ESPL1: variants seen among roughly 807,000 people sequenced by gnomAD.
ESPL1 encodes separin.
In ESPL1, 50 loss-of-function variants were observed where a neutral mutation model predicts 217.2. The ratio of observed to expected loss-of-function variants is 0.23; its 90% CI spans 0.18 to 0.29. ESPL1 has a LOEUF of 0.29. Among genes scored for constraint, ESPL1 ranks in the 10% least tolerant of loss-of-function variants. The probability of loss-of-function intolerance (pLI) is 1.00; values close to 1 mark genes in which losing one functional copy is unlikely to be tolerated. For missense variants in ESPL1, 1,834 were observed against 2,603.0 expected (o/e 0.70, Z 6.43); for synonymous variants, 994 against 1,081.3 (o/e 0.92, Z 1.58).
chr12:53,283,278 A>C (rs1383816339), intron 15 of ESPL1, 21 bp downstream of exon 15: 3 of 1,614,014 alleles, frequency 1.9e-6, no homozygotes, highest in Non-Finnish European at 2.5e-6. Context: ...GGAGGACAGC[A>C]GGGCCCTCTT....
intron 5 of ESPL1, among the ~76,000 whole-genome samples, chr12:53,272,183 C>T (rs1455992172): frequency 6.6e-6 from 1 of 152,158 alleles, no homozygotes; most frequent in Non-Finnish European, 1.5e-5. Flanking sequence ...GTTTCCTTCC[C>T]TCATGGAGCC....
In ESPL1 at chr12:53,289,165, G is replaced by C; in HGVS notation, c.4784G>C (p.Gly1595Ala). 1 of 1,614,142 alleles carries C rather than the reference G, an allele frequency of 6.2e-7. No homozygotes were observed. The highest frequency in any genetic ancestry group is 8.5e-7 in the Non-Finnish European group (1 of 1,180,014). ...FRGISHCPPSGLYAHLCRFLA... is the reference protein window; with the variant it reads ...FRGISHCPPSALYAHLCRFLA... ...GGCATTAGTCACTGTCCTCCTAGTG[G>C]GCTCTATGCCCACCTCTGCCGCTTC... is the stretch of plus-strand genomic sequence containing the variant. Residue 1595 changes from glycine to alanine, a missense_variant, in exon 21 of 31, where the codon GGG (glycine) becomes GCG (alanine). Physicochemically the swap from Gly to Ala is moderately conservative, Grantham distance 60 (BLOSUM62 0). Coordinates refer to ENST00000257934, the MANE Select transcript of ESPL1 (RefSeq NM_012291.5).
rs770312157 is a variant in ESPL1, at chr12:53,292,102, C to T, written c.5796+14C>T. The T allele has an allele frequency of 3.8e-5, 61 of 1,598,892 alleles. No homozygotes were observed. The highest frequency in any genetic ancestry group is 5.0e-5 in the Admixed American group (3 of 59,944). ...ATCATCAAAGAGGTGGGGTTCAGGG[C>T]GTAGTGTCTGGGGATGACTGGCGAC... On this transcript the variant is annotated intron_variant, in intron 27 of 30. Transcript: ENST00000257934. The surrounding 1 kb of genome is among the most constrained non-coding windows in gnomAD (Gnocchi z 4.5).
At chr12:53,272,021 A>T (rs1246849743) in intron 5 of ESPL1, among the ~76,000 whole-genome samples, 1 of 150,702 alleles carries the variant, frequency 6.6e-6, no homozygotes, top group African/African-American at 2.5e-5. Context: ...CGGGAGGTGG[A>T]GCTTGCAGTG....
rs1462107755 is a variant in ESPL1 at position 53,288,696 on chromosome 12, A to G, written c.4705A>G (p.Thr1569Ala). The change falls in exon 20 of 31, where the codon ACT becomes GCT. Residue 1569 changes from threonine (T) to alanine (A), a missense_variant. By Grantham distance (58) the Thr-to-Ala change is moderately conservative (BLOSUM62 0). Around this residue, in one of 5 missense-constraint regions of ESPL1, gnomAD observed 681 missense variants for 808.0 expected, o/e 0.84. Transcript: ENST00000257934. ...RLRLPSAPVATGLSTLDSICD... is the reference protein window; with the variant it reads ...RLRLPSAPVAAGLSTLDSICD... ...CCGGCTCCCCTCAGCCCCCGTAGCCACTGGTGAATATGCGACCCCTGATGT... is the reference window on the plus strand; with the variant it reads ...CCGGCTCCCCTCAGCCCCCGTAGCCGCTGGTGAATATGCGACCCCTGATGT... 1 of 1,610,024 alleles carries G rather than the reference A, an allele frequency of 6.2e-7. No individual in the cohort carries two copies. Among genetic ancestry groups the G allele is most frequent in the Non-Finnish European group, 8.5e-7 (1 of 1,178,680 alleles).
In ESPL1 at chr12:53,270,527, TGGGGTTGCTCC is replaced by T. The variant is rs772945706; in HGVS notation, c.1248+46_1248+56del. The T allele has an allele frequency of 6.6e-5, 22 of 335,232 alleles. No individual in the cohort carries two copies. The Admixed American group carries it at 4.8e-3, about 73-fold the overall frequency. The allele number at this position is 335,232 out of a possible 1,614,324, so 20.8% of individuals were successfully genotyped here. On this transcript the variant is annotated intron_variant, in intron 4 of 30. Transcript: ENST00000257934. The stretch of plus-strand genomic sequence containing the variant: ...GTACCTGGACTAGGCTCATAGGGTT[TGGGGTTGCTCC>T]ACTGCCCTCAAACAGCTTTGGGGTT...
intron 6 of ESPL1, among the ~76,000 whole-genome samples, chr12:53,273,496 C>T (rs1323729330): frequency 1.3e-5 from 2 of 151,506 alleles, no homozygotes; most frequent in African/African-American, 2.4e-5. Flanking sequence ...TGATGGCTCA[C>T]GCCTATAATT....
intron 9 of ESPL1, 82 bp downstream of exon 9, chr12:53,277,309 C>CT (rs200286522): frequency 0.019 from 28,842 of 1,518,330 alleles, 387 homozygotes; most frequent in South Asian, 0.051. Context: ...GGTATCAGCC[C>CT]TTTTTTTTGT....
At position 53,278,025 on chromosome 12, in the gene ESPL1, G is replaced by A. The variant is rs80228912; in HGVS notation, c.2364+65G>A. 1,320 of 1,506,354 alleles carry A rather than the reference G, an allele frequency of 8.8e-4. 10 individuals carry two copies. The African/African-American group carries it at 0.017, about 19-fold the overall frequency. The allele number at this position is 1,506,354 out of a possible 1,614,324, so 93.3% of individuals were successfully genotyped here. ...GGACTAGACCAGAAACAGCTCCCTC[G>A]CCTTCTTTGGCCTGTGATCCTCCTG... is the stretch of plus-strand genomic sequence containing the variant. On this transcript the variant is annotated intron_variant, in intron 11 of 30. Coordinates refer to ENST00000257934, the MANE Select transcript of ESPL1 (RefSeq NM_012291.5).
chr12:53,279,201 T>C (rs1009109045), intron 11 of ESPL1, among the ~76,000 whole-genome samples: 1 of 152,216 alleles, frequency 6.6e-6, no homozygotes, highest in Admixed American at 6.5e-5. Context: ...TATAAGGCCA[T>C]GTACATTCTT....
intron 5 of ESPL1, among the ~76,000 whole-genome samples, chr12:53,272,497 G>C (rs1231321745): frequency 6.6e-6 from 1 of 152,114 alleles, no homozygotes; most frequent in Non-Finnish European, 1.5e-5. Flanking sequence ...AGGGGGTCTC[G>C]TTTGTAAAAT....
chr12:53,272,819 G>A lies in ESPL1; in HGVS notation c.1468G>A (p.Val490Met), dbSNP rs1396336760. Residue 490 changes from valine (V) to methionine (M), a missense_variant, in exon 6 of 31, where the codon GTG becomes ATG. Transcript: ENST00000257934. The part of the protein sequence containing the change: ...SEPLCQHLGL[V>M]KPGTYPEVPP... ...GCCGCTCTGTCAGCACCTGGGTTTG[G>A]TGAAGCCAGGCACTTATCCCGAGGT... The A allele has an allele frequency of 1.2e-6, 2 of 1,614,010 alleles. No individual in the cohort carries two copies. The highest frequency in any genetic ancestry group is 1.7e-6 in the Non-Finnish European group (2 of 1,180,040).
rs1368072763 is a variant in ESPL1 at position 53,282,605 on chromosome 12, C to CTA, written c.2791+171_2791+172dup. Among the ~76,000 whole-genome samples the CTA allele has an allele frequency of 1.3e-5, 2 of 152,126 alleles. No homozygotes were observed. Among genetic ancestry groups the CTA allele is most frequent in the African/African-American group, 4.8e-5 (2 of 41,420 alleles). Reference sequence around the variant, plus strand: ...ATGGGTTTCAGTTTGCCTGCTGACTCTAAACAATTGGTGACTGCCTGGAAT... The same window carrying CTA: ...ATGGGTTTCAGTTTGCCTGCTGACTCTATAAACAATTGGTGACTGCCTGGAAT... On this transcript the variant is annotated intron_variant, in intron 14 of 30. Transcript: ENST00000257934. The surrounding 1 kb of genome is among the most constrained non-coding windows in gnomAD (Gnocchi z 4.0).
rs780005839 is a variant in ESPL1, at chr12:53,292,266, TCTC to T, written c.5797-5_5797-3del. The T allele has an allele frequency of 4.4e-6, 7 of 1,595,118 alleles. No individual in the cohort carries two copies. Among genetic ancestry groups the T allele is most frequent in the African/African-American group, 2.7e-5 (2 of 74,560 alleles). On this transcript the variant is annotated splice_polypyrimidine_tract_variant and intron_variant, in intron 27 of 30. Transcript: ENST00000257934. The surrounding 1 kb of genome is among the most constrained non-coding windows in gnomAD (Gnocchi z 4.5). The stretch of plus-strand genomic sequence containing the variant: ...GAGACAAGCATCCTAATCGCCAGTG[TCTC>T]CTCCTCAGTATGGGGCCTCGCCAGT...
intron 17 of ESPL1, among the ~76,000 whole-genome samples, chr12:53,284,508 G>A (rs569109747): frequency 4.0e-5 from 6 of 151,130 alleles, no homozygotes; most frequent in Non-Finnish European, 7.4e-5. Context: ...CACCCGCCTC[G>A]GCCTCCTAAA....
At position 53,269,536 on chromosome 12, in the gene ESPL1, G is replaced by A. The variant is rs147703740; in HGVS notation, c.594G>A (p.Ala198=). Residue 198 remains alanine, a synonymous_variant, in exon 3 of 31, where the codon GCG becomes GCA. Coordinates refer to ENST00000257934, the MANE Select transcript of ESPL1 (RefSeq NM_012291.5). The surrounding 1 kb of genome is among the most constrained non-coding windows in gnomAD (Gnocchi z 6.7). ...PHFASPTACR[A]VAAHQLFDAS... is the part of the protein sequence containing the mutation. ...TTGCTTCTCCAACAGCCTGTCGAGC[G>A]GTAGCTGCCCATCAGCTATTTGATG... 94 of 1,614,074 alleles carry A rather than the reference G, an allele frequency of 5.8e-5. No individual in the cohort carries two copies. The highest frequency in any genetic ancestry group is 2.4e-4 in the African/African-American group (18 of 74,914).
chr12:53,270,893 A>C, intron 5 of ESPL1, 95 bp downstream of exon 5: 1 of 1,390,290 alleles, frequency 7.2e-7, no homozygotes, highest in Non-Finnish European at 9.9e-7. Flanking sequence ...GACCACTGTG[A>C]GGGTTCCTTA....
At chr12:53,291,020 G>A in intron 25 of ESPL1, 24 bp downstream of exon 25, 1 of 1,555,050 alleles carries the variant, frequency 6.4e-7, no homozygotes, top group Non-Finnish European at 8.7e-7. Flanking sequence ...GCAGGGAAGG[G>A]GGCCAGGCCC....
Position 53,282,271 on chromosome 12 carries a change from AG to A in ESPL1, c.2630del (p.Gly877ValfsTer61). 1 of 1,613,846 alleles carries A rather than the reference AG, an allele frequency of 6.2e-7. No homozygotes were observed. The highest frequency in any genetic ancestry group is 8.5e-7 in the Non-Finnish European group (1 of 1,179,866). ...GCTCCTTCTCTCCTTCAGGTGACCA[AG>A]GGTGTCTCTCTGCTGCTGTCTGTGC... is the stretch of plus-strand genomic sequence containing the variant. The part of the protein sequence containing the change: ...QLYWTHQKVT[K>X]GVSLLLSVLR... On this transcript the variant is annotated frameshift_variant, in exon 14 of 31. Transcript: ENST00000257934. LOFTEE classifies it high-confidence loss of function. This position sits in a 1 kb window ranked among gnomAD's most constrained non-coding sequence, Gnocchi z 4.0.
Sources: allele counts gnomAD v4.1 joint callset (sites outside exome capture counted in the v4.1 genomes callset), GRCh38; gene constraint gnomAD v4.1.1; regional missense constraint gnomAD v4.1.1; non-coding constraint Gnocchi (gnomAD v3.1); transcripts MANE v1.5; gene names NCBI Gene and HGNC (gene_info 2026-07-23, HGNC 2026-07-21).